The following MROH1 variants were observed in gnomAD, a reference collection of about 807,000 sequenced individuals.
MROH1 encodes the protein maestro heat-like repeat-containing protein family member 1.
In MROH1, 117 loss-of-function variants were observed where a neutral mutation model predicts 116.5. The ratio of observed to expected loss-of-function variants is 1.00; its 90% CI spans 0.86 to 1.17. MROH1 has a LOEUF of 1.17. Ranked by LOEUF, MROH1 falls within the 50% of genes most tolerant of loss-of-function variation. The pLI, the probability that MROH1 is intolerant of heterozygous loss-of-function variation, is 0.00. For missense variants in MROH1, 1,873 were observed against 1,338.5 expected, an observed-to-expected ratio of 1.40 and a Z score of -6.23; for synonymous variants, 921 against 583.9, an observed-to-expected ratio of 1.58 and a Z score of -8.32.
chr8:144,240,507 A>G, intron 19 of MROH1, 63 bp from the exon 20 acceptor site: 1 of 710,546 alleles, frequency 1.4e-6, no homozygotes. Flanking sequence ...GGATGTGCCC[A>G]GGCTCCAGCC....
chr8:144,172,412 TC>T (rs1352393332), intron 4 of MROH1, among the ~76,000 whole-genome samples: 2 of 151,650 alleles, frequency 1.3e-5, no homozygotes, highest in African/African-American at 2.4e-5. Flanking sequence ...TTTTTTTTTT[TC>T]TTTTTTTTTT....
At chr8:144,233,697 T>C (rs1554823635) in intron 14 of MROH1, among the ~76,000 whole-genome samples, 1 of 152,240 alleles carries the variant, frequency 6.6e-6, no homozygotes, top group East Asian at 1.9e-4. Flanking sequence ...CAGGGCTCAA[T>C]ATTCCCTGTG....
At chr8:144,255,855 C>T (rs1024451437) in intron 35 of MROH1, 150 bp downstream of exon 35, 12 of 626,884 alleles carry the variant, frequency 1.9e-5, no homozygotes, top group Non-Finnish European at 3.2e-5. Context: ...CACCCAGGTG[C>T]AGGGCTGAGC....
At chr8:144,192,866 G>A (rs974556567) in intron 10 of MROH1, 16 of 332,492 alleles carry the variant, frequency 4.8e-5, no homozygotes, top group Non-Finnish European at 9.4e-5. Context: ...TCCCCAGGTC[G>A]GGTGAATGAG....
At position 144,260,999 on chromosome 8, in the gene MROH1, C is replaced by G; in HGVS notation, c.4629C>G (p.Ala1543=). ...AGAAACACCTGCAGGAGGGCCGAGC[C>G]CTGCACTTCGGGGAGTTCCTCAACA... ...AFQKHLQEGR[A]LHFGEFLNTT... The change falls in exon 41 of 44, where the codon GCC becomes GCG. Residue 1543 remains alanine (A), a synonymous_variant. Coordinates refer to ENST00000326134, the MANE Select transcript of MROH1 (RefSeq NM_032450.3). The G allele has an allele frequency of 1.3e-6, 1 of 776,838 alleles. No homozygotes were observed. Among genetic ancestry groups the G allele is most frequent in the South Asian group, 1.3e-5 (1 of 74,492 alleles). 48.1% of individuals were successfully genotyped at this position (776,838 alleles called of 1,614,324 possible). A position where few individuals can be genotyped will look rare whatever the true frequency, so the allele number is the denominator to read the frequency against.
In MROH1 at chr8:144,243,925, C is replaced by T. The variant is rs1841431530; in HGVS notation, c.2538C>T (p.Leu846=). The T allele has an allele frequency of 2.9e-5, 23 of 780,350 alleles. No individual in the cohort carries two copies. The East Asian group carries it at 5.6e-4, about 19-fold the overall frequency. 48.3% of individuals were successfully genotyped at this position (780,350 alleles called of 1,614,324 possible). Residue 846 remains leucine, a synonymous_variant, in exon 26 of 44, where the codon CTC becomes CTT. Coordinates refer to ENST00000326134, the MANE Select transcript of MROH1 (RefSeq NM_032450.3). The part of the protein sequence containing the change: ...LRTPIRKKAM[L]TCTYLVSVEP... Reference sequence around the variant, plus strand: ...CACCTATTCGGAAGAAAGCCATGCTCACCTGCACTTACTTGGTGTATCCTT... The same window carrying T: ...CACCTATTCGGAAGAAAGCCATGCTTACCTGCACTTACTTGGTGTATCCTT...
chr8:144,191,900 A>G, intron 9 of MROH1, 45 bp downstream of exon 9: 1 of 1,609,462 alleles, frequency 6.2e-7, no homozygotes, highest in South Asian at 1.1e-5. Flanking sequence ...GGACCCCTCC[A>G]ATCAGACTCC....
rs1229594690 is a variant in MROH1 at position 144,243,908 on chromosome 8, C to A, written c.2521C>A (p.Arg841=). 5 of 780,378 alleles carry A rather than the reference C, an allele frequency of 6.4e-6. No homozygotes were observed. The highest frequency in any genetic ancestry group is 1.2e-5 in the Non-Finnish European group (5 of 417,768). The allele number at this position is 780,378 out of a possible 1,614,324, so 48.3% of individuals were successfully genotyped here. A position where few individuals can be genotyped will look rare whatever the true frequency, so the allele number is the denominator to read the frequency against. The change falls in exon 26 of 44, where the codon CGG becomes AGG. Residue 841 remains arginine (R), a synonymous_variant. Transcript: ENST00000326134. ...CCCGGACTCCTTGAGGACACCTATT[C>A]GGAAGAAAGCCATGCTCACCTGCAC... ...EPPDSLRTPI[R]KKAMLTCTYL... is the part of the protein sequence containing the mutation.
chr8:144,215,041 A>G (rs1834945343), intron 12 of MROH1, among the ~76,000 whole-genome samples: 1 of 152,142 alleles, frequency 6.6e-6, no homozygotes, highest in Admixed American at 6.6e-5. Flanking sequence ...ATCTGATTAG[A>G]TGGTGCCCAC....
chr8:144,177,074 C>T (rs1367415667), intron 4 of MROH1, among the ~76,000 whole-genome samples: 3 of 152,186 alleles, frequency 2.0e-5, no homozygotes, highest in Admixed American at 6.5e-5. Context: ...TCCACGTGAA[C>T]TTAGTGTTCC....
chr8:144,260,851 AGTGGGATGGGGTGG>A lies in MROH1; in HGVS notation c.4536+24_4536+37del. 1.3e-6 allele frequency: 1 copy of A among 777,758 alleles called. No individual in the cohort carries two copies. Among genetic ancestry groups the A allele is most frequent in the Non-Finnish European group, 2.4e-6 (1 of 417,714 alleles). The allele number at this position is 777,758 out of a possible 1,614,324, so 48.2% of individuals were successfully genotyped here. On this transcript the variant is annotated intron_variant, in intron 40 of 43. Transcript: ENST00000326134. ...GGCCAGCGTGAGTAGCCAGGGGGTG[AGTGGGATGGGGTGG>A]GTGGCCTCAACTGGACTTGGCCCCA...
chr8:144,259,622 G>A (rs1484696140), intron 37 of MROH1, among the ~76,000 whole-genome samples: 2 of 152,248 alleles, frequency 1.3e-5, no homozygotes, highest in African/African-American at 4.8e-5. Context: ...TAGCTGGACA[G>A]GGCTGGCCCC....
intron 14 of MROH1, among the ~76,000 whole-genome samples, chr8:144,234,519 T>G (rs1839671422): frequency 5.4e-5 from 5 of 91,826 alleles, no homozygotes; most frequent in African/African-American, 2.0e-4. Flanking sequence ...TTTTTTTTTT[T>G]TTTTTTTTTT....
chr8:144,255,691 C>T lies in MROH1; in HGVS notation c.3777C>T (p.Asn1259=), dbSNP rs1438065298. 1.3e-6 allele frequency: 1 copy of T among 758,808 alleles called. No homozygotes were observed. Among genetic ancestry groups the T allele is most frequent in the East Asian group, 2.5e-5 (1 of 40,176 alleles). 47.0% of individuals were successfully genotyped at this position (758,808 alleles called of 1,614,324 possible). ...CCAGTCCAGCCCTAGCCACCAGGAA[C>T]CTGGAACCCTGCAGGTATCTGGGTC... ...RGASPALATR[N]LEPCSSAVDT... Residue 1259 remains asparagine, a synonymous_variant, in exon 35 of 44, where the codon AAC becomes AAT. Transcript: ENST00000326134.
intron 4 of MROH1, among the ~76,000 whole-genome samples, 159 bp from the exon 5 acceptor site, chr8:144,179,296 G>A (rs754434740): frequency 4.6e-5 from 7 of 152,108 alleles, no homozygotes; most frequent in Non-Finnish European, 7.4e-5. Context: ...CTTGCAGGCC[G>A]GCTTTTAGGG....
rs1242768349 is a variant in MROH1 at position 144,163,387 on chromosome 8, A to C, written c.-56-384A>C. ...GGACCATTGTTGCATGCAGTGGCGCATGGCATGTGATGTGTGAAAGCTGTG... is the reference window on the plus strand; with the variant it reads ...GGACCATTGTTGCATGCAGTGGCGCCTGGCATGTGATGTGTGAAAGCTGTG... On this transcript the variant is annotated intron_variant, in intron 2 of 43. Coordinates refer to ENST00000326134, the MANE Select transcript of MROH1 (RefSeq NM_032450.3). This position sits in a 1 kb window ranked among gnomAD's most constrained non-coding sequence, Gnocchi z 4.4. Among the ~76,000 whole-genome samples, 1 of 152,196 alleles carries C rather than the reference A, an allele frequency of 6.6e-6. No homozygotes were observed. Among genetic ancestry groups the C allele is most frequent in the South Asian group, 2.1e-4 (1 of 4,832 alleles).
At chr8:144,239,565 T>A in intron 17 of MROH1, 49 bp from the exon 18 acceptor site, 1 of 766,808 alleles carries the variant, frequency 1.3e-6, no homozygotes. Context: ...GTTGTGGGCA[T>A]GACCAGTGCT....
At chr8:144,168,673 T>C (rs1280595347) in intron 4 of MROH1, among the ~76,000 whole-genome samples, 3 of 152,146 alleles carry the variant, frequency 2.0e-5, no homozygotes, top group African/African-American at 7.2e-5. Context: ...ACCCTCCTGG[T>C]CGAGGCTCTT....
At chr8:144,197,795 C>CG (rs1830270890) in intron 10 of MROH1, among the ~76,000 whole-genome samples, 1 of 141,598 alleles carries the variant, frequency 7.1e-6, no homozygotes, top group Non-Finnish European at 1.5e-5. Context: ...AGGAGCACAC[C>CG]GGGGGCGGTG....
Sources: allele counts gnomAD v4.1 joint callset (sites outside exome capture counted in the v4.1 genomes callset), GRCh38; gene constraint gnomAD v4.1.1; non-coding constraint Gnocchi (gnomAD v3.1); transcripts MANE v1.5; gene names NCBI Gene and HGNC (gene_info 2026-07-23, HGNC 2026-07-21).